Variants in CCDC175 observed in about 807,000 individuals in gnomAD.
CCDC175 encodes the protein coiled-coil domain-containing protein 175.
Under a neutral mutation model 114.6 loss-of-function variants are expected in CCDC175, and 100 were observed. The ratio of observed to expected loss-of-function variants is 0.87; its 90% CI spans 0.74 to 1.03. CCDC175 has a LOEUF of 1.03. CCDC175 is among the 50% of genes least tolerant of loss of function. CCDC175 has a pLI of 0.00. For synonymous variants in CCDC175, 306 were observed against 308.7 expected (o/e 0.99, Z 0.09); for missense variants, 880 against 917.8 (o/e 0.96, Z 0.53).
rs1024925601 is a variant in CCDC175 at position 59,576,634 on chromosome 14, G to A, written c.142C>T (p.Gln48Ter). The A allele has an allele frequency of 5.4e-6, 8 of 1,474,310 alleles. No individual in the cohort carries two copies. Among genetic ancestry groups the A allele is most frequent in the Non-Finnish European group, 7.1e-6 (8 of 1,120,614 alleles). The allele number at this position is 1,474,310 out of a possible 1,614,324, so 91.3% of individuals were successfully genotyped here. A position where few individuals can be genotyped will look rare whatever the true frequency, so the allele number is the denominator to read the frequency against. ...GGCGTCTTACCCACAACAAACAGCT[G>A]CTCCAGCGCCTCGACCGCGACCGAG... ...GSSVAVEALE[Q>*]LFVVEQSLQS... Residue 48 changes from glutamine to a stop codon, truncating the protein, a stop_gained, in exon 1 of 20, where the codon CAG (glutamine) becomes TAG (stop). Coordinates refer to ENST00000537690, the MANE Select transcript of CCDC175 (RefSeq NM_001164399.2). LOFTEE classifies it high-confidence loss of function.
At position 59,538,813 on chromosome 14, in the gene CCDC175, G is replaced by A; in HGVS notation, c.1383C>T (p.Cys461=). 6.5e-7 allele frequency: 1 copy of A among 1,536,420 alleles called. No homozygotes were observed. Among genetic ancestry groups the A allele is most frequent in the South Asian group, 1.2e-5 (1 of 83,844 alleles). Residue 461 remains cysteine, a synonymous_variant, in exon 12 of 20, where the codon TGC becomes TGT. Coordinates refer to ENST00000537690, the MANE Select transcript of CCDC175 (RefSeq NM_001164399.2). The part of the protein sequence containing the change: ...RCVITQWKMA[C]LRKKHARWTA... ...TCCAACGTGCATGCTTTTTTCTCAA[G>A]CAAGCCATTTTCCACTGAGTTATAA...
intron 3 of CCDC175, among the ~76,000 whole-genome samples, chr14:59,569,493 C>T (rs776672901): frequency 1.3e-5 from 2 of 152,180 alleles, no homozygotes; most frequent in Non-Finnish European, 2.9e-5. Flanking sequence ...AAGCATTTAG[C>T]ATGTATCAAG....
rs1335600859 is a variant in CCDC175, at chr14:59,511,791, T to C, written c.2111A>G (p.Asp704Gly). The C allele has an allele frequency of 6.5e-7, 1 of 1,535,096 alleles. No homozygotes were observed. The highest frequency in any genetic ancestry group is 8.7e-7 in the Non-Finnish European group (1 of 1,145,024). ...TGTGGTCTGAAATTCAGCCCACAAATCCTTATATTGTGCTAAAATAAAGAT... is the reference window on the plus strand; with the variant it reads ...TGTGGTCTGAAATTCAGCCCACAAACCCTTATATTGTGCTAAAATAAAGAT... ...QLIAQEAQYK[D>G]LWAEFQTTVK... is the part of the protein sequence containing the mutation. The change falls in exon 18 of 20, where the codon GAT (aspartate) becomes GGT (glycine). Residue 704 changes from aspartate to glycine, a missense_variant. Asp to Gly is a moderately conservative substitution (Grantham distance 94, BLOSUM62 -1). Transcript: ENST00000537690.
chr14:59,528,538 T>C (rs779000812), intron 14 of CCDC175, among the ~76,000 whole-genome samples: 21 of 152,118 alleles, frequency 1.4e-4, no homozygotes, highest in Non-Finnish European at 2.8e-4. Context: ...GCATGCTTAC[T>C]CCCATTCCCA....
chr14:59,565,282 G>A lies in CCDC175; in HGVS notation c.492-7C>T. 4 of 1,532,684 alleles carry A rather than the reference G, an allele frequency of 2.6e-6. No homozygotes were observed. Among genetic ancestry groups the A allele is most frequent in the Non-Finnish European group, 3.5e-6 (4 of 1,144,480 alleles). 94.9% of individuals were successfully genotyped at this position (1,532,684 alleles called of 1,614,324 possible). ...TAGCTCTTCCTGCTTCTCCCTGGGA[G>A]GAAAGAATTGCTCACAGAGTGAGAA... is the stretch of plus-strand genomic sequence containing the variant. On this transcript the variant is annotated splice_region_variant and splice_polypyrimidine_tract_variant and intron_variant, in intron 4 of 19. Transcript: ENST00000537690.
At chr14:59,575,049 T>C in intron 1 of CCDC175, 21 bp from the exon 2 acceptor site, 1 of 1,303,234 alleles carries the variant, frequency 7.7e-7, no homozygotes, top group Non-Finnish European at 1.1e-6. Flanking sequence ...AATTAGAAAA[T>C]AAAGATCTCT....
intron 15 of CCDC175, 119 bp downstream of exon 15, chr14:59,526,976 T>C (rs1320959257): frequency 5.4e-6 from 3 of 556,046 alleles, no homozygotes; most frequent in Non-Finnish European, 9.2e-6. Context: ...TGATATTGAA[T>C]GGGTAAGTTT....
At chr14:59,566,818 T>C (rs915654842) in intron 4 of CCDC175, among the ~76,000 whole-genome samples, 1 of 152,200 alleles carries the variant, frequency 6.6e-6, no homozygotes, top group African/African-American at 2.4e-5. Flanking sequence ...GAAAAAATGA[T>C]GCAACAAATG....
intron 7 of CCDC175, among the ~76,000 whole-genome samples, chr14:59,553,446 C>G (rs1186430108): frequency 2.0e-5 from 3 of 152,188 alleles, no homozygotes; most frequent in Non-Finnish European, 2.9e-5. Context: ...GCCTGCCCTA[C>G]AAGAGCTCTT....
intron 4 of CCDC175, among the ~76,000 whole-genome samples, chr14:59,565,827 C>T (rs1304741107): frequency 6.6e-6 from 1 of 152,130 alleles, no homozygotes; most frequent in Non-Finnish European, 1.5e-5. Context: ...TCCCCAGATG[C>T]CAGGTAGTGA....
intron 17 of CCDC175, among the ~76,000 whole-genome samples, chr14:59,512,415 G>T (rs1476689878): frequency 6.6e-6 from 1 of 152,204 alleles, no homozygotes; most frequent in Non-Finnish European, 1.5e-5. Context: ...AAGCCTGGGT[G>T]AGCCTCCCTG....
intron 17 of CCDC175, among the ~76,000 whole-genome samples, chr14:59,517,642 T>C (rs1003875208): frequency 5.9e-5 from 9 of 152,184 alleles, no homozygotes; most frequent in African/African-American, 2.2e-4. Context: ...CAAGGAGAAC[T>C]ACAAACCACT....
At position 59,563,799 on chromosome 14, in the gene CCDC175, C is replaced by A; in HGVS notation, c.781G>T (p.Glu261Ter). The change falls in exon 6 of 20, where the codon GAA (glutamate) becomes TAA (stop). Residue 261 changes from glutamate (E) to a stop codon, truncating the protein, a stop_gained. Transcript: ENST00000537690. LOFTEE classifies it high-confidence loss of function. ...KRMETYQKKK[E>*]LDKLQTKMSK... The stretch of plus-strand genomic sequence containing the variant: ...ATTTTAGTTTGTAATTTATCCAATT[C>A]TTTCTTCTTTTGATAAGTCTCCATT... 1 of 1,435,504 alleles carries A rather than the reference C, an allele frequency of 7.0e-7. No individual in the cohort carries two copies. Among genetic ancestry groups the A allele is most frequent in the South Asian group, 1.5e-5 (1 of 68,406 alleles). The allele number at this position is 1,435,504 out of a possible 1,614,324, so 88.9% of individuals were successfully genotyped here. A position where few individuals can be genotyped will look rare whatever the true frequency, so the allele number is the denominator to read the frequency against.
At chr14:59,514,528 T>A (rs994232333) in intron 17 of CCDC175, among the ~76,000 whole-genome samples, 4 of 152,156 alleles carry the variant, frequency 2.6e-5, no homozygotes, top group Admixed American at 2.6e-4. Context: ...TGCATAAGCC[T>A]CAGTAGCCGA....
chr14:59,561,358 A>G, intron 6 of CCDC175, 130 bp from the exon 7 acceptor site: 3 of 469,888 alleles, frequency 6.4e-6, no homozygotes, highest in South Asian at 4.9e-5. Flanking sequence ...CAAGGAAAAA[A>G]AGCAATCATT....
intron 19 of CCDC175, among the ~76,000 whole-genome samples, chr14:59,506,351 G>A (rs1331959102): frequency 6.7e-6 from 1 of 148,544 alleles, no homozygotes; most frequent in Non-Finnish European, 1.5e-5. Flanking sequence ...GCAGTGATGC[G>A]ATCTCGGCTC....
chr14:59,544,749 G>A (rs1895003119), intron 9 of CCDC175, among the ~76,000 whole-genome samples: 1 of 152,184 alleles, frequency 6.6e-6, no homozygotes, highest in Non-Finnish European at 1.5e-5. Flanking sequence ...TAATGCTCGA[G>A]CATATTATAA....
chr14:59,509,399 G>T (rs539595294), intron 19 of CCDC175, among the ~76,000 whole-genome samples: 2 of 152,282 alleles, frequency 1.3e-5, no homozygotes, highest in South Asian at 4.1e-4. Context: ...AGCTAAGAGG[G>T]TTTACCCACA....
chr14:59,538,977 A>G (rs1894587946), intron 11 of CCDC175, 137 bp from the exon 12 acceptor site: 2 of 690,010 alleles, frequency 2.9e-6, no homozygotes, highest in African/African-American at 1.8e-5. Flanking sequence ...GACTACACAC[A>G]TTGCATGAAA....
Sources: gnomAD v4.1 joint callset for allele counts (sites outside exome capture counted in the v4.1 genomes callset) on GRCh38, gnomAD v4.1.1 for gene constraint, MANE v1.5 for transcripts, NCBI Gene and HGNC (gene_info 2026-07-23, HGNC 2026-07-21) for gene names.